The following ATXN10 variants were observed in gnomAD, a reference collection of about 807,000 sequenced individuals.
The protein encoded by ATXN10 is ataxin 10, also known as ataxin-10.
In ATXN10, 28 loss-of-function variants were observed where a neutral mutation model predicts 52.9. That is an observed-to-expected ratio of 0.53 (90% CI 0.39 to 0.73). The LOEUF is 0.73. Among genes scored for constraint, ATXN10 ranks in the 30% least tolerant of loss-of-function variants. The pLI, the probability that ATXN10 is intolerant of heterozygous loss-of-function variation, is 0.00. For missense variants in ATXN10, 565 were observed against 577.0 expected (o/e 0.98, Z 0.21); for synonymous variants, 226 against 221.5 (o/e 1.02, Z -0.18).
chr22:45,679,771 A>G (rs1414542187), intron 1 of ATXN10: 2 of 152,192 alleles, frequency 1.3e-5, no homozygotes, highest in South Asian at 4.1e-4. Flanking sequence ...ATTTTTACCT[A>G]TGCCATGAGC....
At chr22:45,803,489 G>A (rs1402617290) in intron 9 of ATXN10, among the ~76,000 whole-genome samples, 2 of 152,118 alleles carry the variant, frequency 1.3e-5, no homozygotes, top group African/African-American at 4.8e-5. Flanking sequence ...AACAAACTAT[G>A]AGCGTGAAAA....
intron 9 of ATXN10, among the ~76,000 whole-genome samples, chr22:45,801,767 A>T (rs1437973609): frequency 6.6e-6 from 1 of 152,200 alleles, no homozygotes; most frequent in Non-Finnish European, 1.5e-5. Context: ...CTCTTTTCAA[A>T]TGTGGATGGT....
intron 6 of ATXN10, among the ~76,000 whole-genome samples, chr22:45,719,324 C>T (rs1263079244): frequency 6.6e-6 from 1 of 151,984 alleles, no homozygotes; most frequent in African/African-American, 2.4e-5. Flanking sequence ...ATTTAGGTTT[C>T]AGTAGTTAAG....
chr22:45,678,367 C>T lies in ATXN10; in HGVS notation c.116+6188C>T, dbSNP rs987567282. The T allele has an allele frequency of 2.6e-5, 4 of 152,050 alleles. No homozygotes were observed. The highest frequency in any genetic ancestry group is 9.7e-5 in the African/African-American group (4 of 41,380). 9.4% of individuals were successfully genotyped at this position (152,050 alleles called of 1,614,324 possible). The stretch of plus-strand genomic sequence containing the variant: ...TCAATAGTGCTGTTATAAACAAATC[C>T]ATAGTAAGGTGCCTCTGCATCCCTA... On this transcript the variant is annotated intron_variant, in intron 1 of 11. Coordinates refer to ENST00000252934, the MANE Select transcript of ATXN10 (RefSeq NM_013236.4). The surrounding 1 kb of genome is among the most constrained non-coding windows in gnomAD (Gnocchi z 4.1).
intron 9 of ATXN10, among the ~76,000 whole-genome samples, chr22:45,768,897 T>C (rs931181235): frequency 1.3e-5 from 2 of 152,184 alleles, no homozygotes; most frequent in South Asian, 2.1e-4. Flanking sequence ...AATTAATCTT[T>C]CTAGGCAAAA....
intron 10 of ATXN10, among the ~76,000 whole-genome samples, chr22:45,821,089 A>G (rs1928630930): frequency 6.6e-6 from 1 of 152,198 alleles, no homozygotes; most frequent in African/African-American, 2.4e-5. Flanking sequence ...TCAGATAGAG[A>G]TGTGCACTTT....
At chr22:45,777,543 C>T (rs545812815) in intron 9 of ATXN10, among the ~76,000 whole-genome samples, 2 of 152,190 alleles carry the variant, frequency 1.3e-5, no homozygotes, top group East Asian at 1.9e-4. Flanking sequence ...TTCAGCCTCA[C>T]GTTTAACCAG....
intron 9 of ATXN10, among the ~76,000 whole-genome samples, chr22:45,752,273 A>G (rs1443820514): frequency 6.6e-6 from 1 of 152,182 alleles, no homozygotes; most frequent in African/African-American, 2.4e-5. Flanking sequence ...CTCTCGAGGA[A>G]TTCACAGTGT....
chr22:45,717,567 G>A (rs1924492421), intron 5 of ATXN10, among the ~76,000 whole-genome samples: 1 of 152,148 alleles, frequency 6.6e-6, no homozygotes, highest in African/African-American at 2.4e-5. Context: ...ATGCTGTAGA[G>A]GAAATAGAAT....
At position 45,840,676 on chromosome 22, in the gene ATXN10, T is replaced by C. The variant is rs1929318702; in HGVS notation, c.1238-2315T>C. Among the ~76,000 whole-genome samples the C allele has an allele frequency of 6.6e-6, 1 of 152,306 alleles. No individual in the cohort carries two copies. Among genetic ancestry groups the C allele is most frequent in the South Asian group, 2.1e-4 (1 of 4,826 alleles). ...CCCTTTCCTCCAGAGACATCCTGCGTTTGCTGCTGGCAGTGACGGTGCTGG... is the reference window on the plus strand; with the variant it reads ...CCCTTTCCTCCAGAGACATCCTGCGCTTGCTGCTGGCAGTGACGGTGCTGG... On this transcript the variant is annotated intron_variant, in intron 10 of 11. Coordinates refer to ENST00000252934, the MANE Select transcript of ATXN10 (RefSeq NM_013236.4). The surrounding 1 kb of genome is among the most constrained non-coding windows in gnomAD (Gnocchi z 5.8).
chr22:45,797,478 C>T (rs1429547410), intron 9 of ATXN10, among the ~76,000 whole-genome samples: 1 of 152,066 alleles, frequency 6.6e-6, no homozygotes, highest in African/African-American at 2.4e-5. Flanking sequence ...TAGACACAAC[C>T]ATATCGAAAT....
At chr22:45,771,229 G>A (rs1926765541) in intron 9 of ATXN10, among the ~76,000 whole-genome samples, 1 of 152,094 alleles carries the variant, frequency 6.6e-6, no homozygotes, top group South Asian at 2.1e-4. Context: ...ATAAACAATG[G>A]TACATCCATA....
chr22:45,749,538 T>G (rs183139719), intron 9 of ATXN10, among the ~76,000 whole-genome samples: 2 of 152,116 alleles, frequency 1.3e-5, no homozygotes, highest in African/African-American at 4.8e-5. Flanking sequence ...TTTTAGTAAA[T>G]GTAGTTTCTT....
intron 9 of ATXN10, among the ~76,000 whole-genome samples, chr22:45,742,178 T>G (rs1390692365): frequency 1.3e-5 from 2 of 151,748 alleles, no homozygotes; most frequent in Non-Finnish European, 2.9e-5. Flanking sequence ...TAATTAATAA[T>G]TGCCCTCTAA....
rs1399748863 is a variant in ATXN10 at position 45,775,060 on chromosome 22, ACCAGAAGCACTTAT to A, written c.1174-31895_1174-31882del. Among the ~76,000 whole-genome samples, 1 of 152,170 alleles carries A rather than the reference ACCAGAAGCACTTAT, an allele frequency of 6.6e-6. No individual in the cohort carries two copies. The highest frequency in any genetic ancestry group is 1.5e-5 in the Non-Finnish European group (1 of 68,024). ...GTTTGTAAAACTTTAGTGTTGTATT[ACCAGAAGCACTTAT>A]CCACTCTGCAGATTTTAGGACTCCA... On this transcript the variant is annotated intron_variant, in intron 9 of 11. Coordinates refer to ENST00000252934, the MANE Select transcript of ATXN10 (RefSeq NM_013236.4). The surrounding 1 kb of genome is among the most constrained non-coding windows in gnomAD (Gnocchi z 4.7).
At position 45,841,209 on chromosome 22, in the gene ATXN10, C is replaced by T. The variant is rs1024729342; in HGVS notation, c.1238-1782C>T. On this transcript the variant is annotated intron_variant, in intron 10 of 11. Transcript: ENST00000252934. This position sits in a 1 kb window ranked among gnomAD's most constrained non-coding sequence, Gnocchi z 5.1. ...AATGCAGCCATATAAAGGACCTGGA[C>T]TTTGTCACGAGAGAATGACAGATAA... Among the ~76,000 whole-genome samples the T allele has an allele frequency of 1.3e-5, 2 of 152,224 alleles. No individual in the cohort carries two copies. Among genetic ancestry groups the T allele is most frequent in the African/African-American group, 4.8e-5 (2 of 41,462 alleles).
intron 9 of ATXN10, among the ~76,000 whole-genome samples, chr22:45,796,987 A>T (rs1469720643): frequency 6.6e-6 from 1 of 152,232 alleles, no homozygotes; most frequent in Non-Finnish European, 1.5e-5. Flanking sequence ...TAGATGTAAA[A>T]GAGTGATATT....
intron 5 of ATXN10, among the ~76,000 whole-genome samples, chr22:45,710,493 A>G (rs958152149): frequency 5.3e-5 from 8 of 152,162 alleles, no homozygotes; most frequent in East Asian, 3.8e-4. Flanking sequence ...ACTTACCACT[A>G]TCGAACATTA....
rs1929061816 is a variant in ATXN10, at chr22:45,833,536, A to G, written c.1238-9455A>G. Reference sequence around the variant, plus strand: ...TTAATTTTGAAATATCAACAGTGCTAGACGAACACTAATGTCTTATAACTT... The same window carrying G: ...TTAATTTTGAAATATCAACAGTGCTGGACGAACACTAATGTCTTATAACTT... On this transcript the variant is annotated intron_variant, in intron 10 of 11. Coordinates refer to ENST00000252934, the MANE Select transcript of ATXN10 (RefSeq NM_013236.4). The surrounding 1 kb of genome is among the most constrained non-coding windows in gnomAD (Gnocchi z 4.3). 6.6e-6 allele frequency among the ~76,000 whole-genome samples: 1 copy of G among 152,232 alleles called. No homozygotes were observed. The highest frequency in any genetic ancestry group is 2.1e-4 in the South Asian group (1 of 4,834).
Sources: allele counts gnomAD v4.1 joint callset (sites outside exome capture counted in the v4.1 genomes callset), GRCh38; gene constraint gnomAD v4.1.1; non-coding constraint Gnocchi (gnomAD v3.1); transcripts MANE v1.5; gene names NCBI Gene and HGNC (gene_info 2026-07-23, HGNC 2026-07-21).